ATP11A: variants seen among roughly 807,000 people sequenced by gnomAD.
The protein encoded by ATP11A is phospholipid-transporting ATPase IH.
Under a neutral mutation model 154.4 loss-of-function variants are expected in ATP11A, and 81 were observed. The ratio of observed to expected loss-of-function variants is 0.52; its 90% CI spans 0.44 to 0.63. The LOEUF is 0.63. Ranked by LOEUF, ATP11A falls within the 30% of genes least tolerant of loss-of-function variation. The probability of loss-of-function intolerance (pLI) is 0.00; values close to 1 mark genes in which losing one functional copy is unlikely to be tolerated. For missense variants in ATP11A, 1,316 were observed against 1,474.3 expected, an observed-to-expected ratio of 0.89 and a Z score of 1.76; for synonymous variants, 623 against 585.9, an observed-to-expected ratio of 1.06 and a Z score of -0.91.
Position 112,802,929 on chromosome 13 carries a change from C to T in ATP11A, c.163-2028C>T, listed in dbSNP as rs78060404. ...AATAAGGGTGTTTGGATGGGTAGGG[C>T]GGGATGACCTAGGGAGGACATGGAA... On this transcript the variant is annotated intron_variant, in intron 2 of 29. Coordinates refer to ENST00000375645, the MANE Select transcript of ATP11A (RefSeq NM_015205.3). Among the ~76,000 whole-genome samples, 313 of 152,198 alleles carry T rather than the reference C, an allele frequency of 2.1e-3. 1 individual carries two copies. Among genetic ancestry groups the T allele is most frequent in the African/African-American group, 5.4e-3 (224 of 41,536 alleles).
chr13:112,784,803 G>A lies in ATP11A; in HGVS notation c.40-332G>A, dbSNP rs551135359. On this transcript the variant is annotated intron_variant, in intron 1 of 29. Coordinates refer to ENST00000375645, the MANE Select transcript of ATP11A (RefSeq NM_015205.3). Reference sequence around the variant, plus strand: ...CTCCCAAAGTGCTGGGATTACAGGCGTGAGCCGCCGCGCCCGGCCGCGTTC... The same window carrying A: ...CTCCCAAAGTGCTGGGATTACAGGCATGAGCCGCCGCGCCCGGCCGCGTTC... 2.2e-4 allele frequency among the ~76,000 whole-genome samples: 33 copies of A among 152,304 alleles called. No individual in the cohort carries two copies. The East Asian group carries it at 6.0e-3, about 28-fold the overall frequency.
chr13:112,760,372 C>T (rs927808590), intron 1 of ATP11A, among the ~76,000 whole-genome samples: 2 of 152,120 alleles, frequency 1.3e-5, no homozygotes, highest in Non-Finnish European at 2.9e-5. Flanking sequence ...ATCCAGAAGC[C>T]CCCAGTAAGT....
chr13:112,813,565 A>C (rs1424982359), intron 5 of ATP11A, among the ~76,000 whole-genome samples: 1 of 152,182 alleles, frequency 6.6e-6, no homozygotes, highest in East Asian at 1.9e-4. Context: ...AGCTGCTATG[A>C]ATATTTGTGT....
rs1359502053 is a variant in ATP11A, at chr13:112,696,508, C to G, written c.39+6053C>G. Among the ~76,000 whole-genome samples, 6 of 152,144 alleles carry G rather than the reference C, an allele frequency of 3.9e-5. No individual in the cohort carries two copies. The highest frequency in any genetic ancestry group is 8.8e-5 in the Non-Finnish European group (6 of 68,028). On this transcript the variant is annotated intron_variant, in intron 1 of 29. Coordinates refer to ENST00000375645, the MANE Select transcript of ATP11A (RefSeq NM_015205.3). This position sits in a 1 kb window ranked among gnomAD's most constrained non-coding sequence, Gnocchi z 6.2. ...GCTGCGGCCCCGTCTCTCTCCCTCT[C>G]TGAGTGACACTGTCTGCCCTGCTGC...
In ATP11A at chr13:112,836,178, G is replaced by A; in HGVS notation, c.1632G>A (p.Arg544=). The part of the protein sequence containing the change: ...EILNRENHIE[R]FELLEILSFD... ...GTGACCTTCTGCATTTCTCTTTCAG[G>A]TTTGAATTGCTGGAAATTTTGAGTT... The change falls in exon 16 of 30, where the codon AGG becomes AGA. Residue 544 remains arginine, a splice_region_variant and synonymous_variant. Transcript: ENST00000375645. 2 of 1,611,540 alleles carry A rather than the reference G, an allele frequency of 1.2e-6. No homozygotes were observed. Among genetic ancestry groups the A allele is most frequent in the Non-Finnish European group, 1.7e-6 (2 of 1,177,986 alleles).
chr13:112,819,227 A>T (rs763279593), intron 6 of ATP11A, 77 bp from the exon 7 acceptor site: 10 of 1,191,406 alleles, frequency 8.4e-6, no homozygotes, highest in African/African-American at 7.6e-5. Flanking sequence ...CTTTGTAATC[A>T]CTTGGTTGGA....
At chr13:112,702,285 G>A (rs1490439475) in intron 1 of ATP11A, among the ~76,000 whole-genome samples, 2 of 150,142 alleles carry the variant, frequency 1.3e-5, no homozygotes, top group Admixed American at 6.7e-5. Flanking sequence ...GGCAGAGGTT[G>A]CAGTGAGCCG....
intron 1 of ATP11A, among the ~76,000 whole-genome samples, chr13:112,693,692 C>T (rs1486185836): frequency 1.3e-5 from 2 of 152,130 alleles, no homozygotes; most frequent in Non-Finnish European, 2.9e-5. Context: ...TGGCTCATGC[C>T]TGTAATCCCA....
At chr13:112,750,903 CCTT>C (rs2076675945) in intron 1 of ATP11A, among the ~76,000 whole-genome samples, 1 of 152,214 alleles carries the variant, frequency 6.6e-6, no homozygotes, top group African/African-American at 2.4e-5. Flanking sequence ...ATTATCCTCT[CCTT>C]CATCAAACAT....
chr13:112,737,359 G>A (rs1566404788), intron 1 of ATP11A, among the ~76,000 whole-genome samples: 1 of 152,232 alleles, frequency 6.6e-6, no homozygotes, highest in South Asian at 2.1e-4. Flanking sequence ...CCCAGGGCAG[G>A]TTAGGCACTT....
intron 1 of ATP11A, among the ~76,000 whole-genome samples, chr13:112,782,285 A>G (rs551109377): frequency 1.3e-5 from 2 of 151,918 alleles, no homozygotes; most frequent in South Asian, 2.1e-4. Flanking sequence ...GGCATGGGCA[A>G]TGCCACACGG....
At chr13:112,725,457 G>T (rs1187276605) in intron 1 of ATP11A, among the ~76,000 whole-genome samples, 1 of 152,174 alleles carries the variant, frequency 6.6e-6, no homozygotes, top group Non-Finnish European at 1.5e-5. Flanking sequence ...TTTCTCAGCC[G>T]CTGCCTTCAC....
intron 26 of ATP11A, among the ~76,000 whole-genome samples, chr13:112,872,832 G>A (rs929179584): frequency 1.3e-5 from 2 of 152,122 alleles, no homozygotes; most frequent in African/African-American, 4.8e-5. Context: ...TTCCTGAGCA[G>A]TGTGAGGTGT....
chr13:112,881,537 G>A (rs2080884681), intron 29 of ATP11A: 2 of 1,137,524 alleles, frequency 1.8e-6, no homozygotes, highest in Non-Finnish European at 2.2e-6. Context: ...GGGGCCCCTG[G>A]GTTCTTCCCT....
rs1420310325 is a variant in ATP11A at position 112,856,086 on chromosome 13, G to A, written c.2418+1G>A. The A allele has an allele frequency of 6.2e-7, 1 of 1,610,862 alleles. No individual in the cohort carries two copies. The highest frequency in any genetic ancestry group is 8.5e-7 in the Non-Finnish European group (1 of 1,178,650). Reference sequence around the variant, plus strand: ...CATGGCGCCCTTGCAGAAGGCTCAGGTGCTGCCCGCCCGTCCTCGATAGCT... The same window carrying A: ...CATGGCGCCCTTGCAGAAGGCTCAGATGCTGCCCGCCCGTCCTCGATAGCT... On this transcript the variant is annotated splice_donor_variant, in intron 20 of 29. Coordinates refer to ENST00000375645, the MANE Select transcript of ATP11A (RefSeq NM_015205.3). LOFTEE classifies it high-confidence loss of function.
At chr13:112,728,640 T>G (rs1311002184) in intron 1 of ATP11A, among the ~76,000 whole-genome samples, 1 of 149,996 alleles carries the variant, frequency 6.7e-6, no homozygotes, top group Non-Finnish European at 1.5e-5. Flanking sequence ...GTGTTACCTG[T>G]ATGTACCGCT....
At chr13:112,861,174 A>G (rs979827061) in intron 24 of ATP11A, among the ~76,000 whole-genome samples, 3 of 152,156 alleles carry the variant, frequency 2.0e-5, no homozygotes, top group African/African-American at 7.2e-5. Context: ...CGAGAACAAC[A>G]TGGGAAAAAA....
chr13:112,885,175 C>G lies in ATP11A; in HGVS notation c.*3309C>G, dbSNP rs1369959400. 6.6e-6 allele frequency: 1 copy of G among 152,232 alleles called. No homozygotes were observed. Among genetic ancestry groups the G allele is most frequent in the Admixed American group, 6.5e-5 (1 of 15,282 alleles). The allele number at this position is 152,232 out of a possible 1,614,324, so 9.4% of individuals were successfully genotyped here. A position where few individuals can be genotyped will look rare whatever the true frequency, so the allele number is the denominator to read the frequency against. ...TACCACAGACACGCGTGTGCATGCT[C>G]CTACACAATACATATGCACATATCA... On this transcript the variant is annotated 3_prime_UTR_variant, in exon 30 of 30. Transcript: ENST00000375645.
In ATP11A at chr13:112,753,836, ATG is replaced by A. The variant is rs2076754371; in HGVS notation, c.40-31297_40-31296del. ...TATTTAACTGCAGTCAAACAGGCTT[ATG>A]TTAGAAGCGCTTTTTCCAAAATGCA... On this transcript the variant is annotated intron_variant, in intron 1 of 29. Transcript: ENST00000375645. The surrounding 1 kb of genome is among the most constrained non-coding windows in gnomAD (Gnocchi z 4.1). Among the ~76,000 whole-genome samples, 1 of 152,262 alleles carries A rather than the reference ATG, an allele frequency of 6.6e-6. No individual in the cohort carries two copies. The highest frequency in any genetic ancestry group is 1.5e-5 in the Non-Finnish European group (1 of 68,054).
Sources: allele counts gnomAD v4.1 joint callset (sites outside exome capture counted in the v4.1 genomes callset), GRCh38; gene constraint gnomAD v4.1.1; non-coding constraint Gnocchi (gnomAD v3.1); transcripts MANE v1.5; gene names NCBI Gene and HGNC (gene_info 2026-07-23, HGNC 2026-07-21).